PAQR3: variants seen among roughly 807,000 people sequenced by gnomAD.
PAQR3 encodes the protein Raf kinase trapping to Golgi.
Under a neutral mutation model 41.7 loss-of-function variants are expected in PAQR3, and 39 were observed. That is an observed-to-expected ratio of 0.93 (90% confidence interval 0.72 to 1.22). The LOEUF (loss-of-function observed/expected upper bound fraction) is 1.22. Ranked by LOEUF, PAQR3 falls within the 50% of genes most tolerant of loss-of-function variation. PAQR3 has a pLI of 0.00. For synonymous variants in PAQR3, 140 were observed against 140.6 expected (o/e 1.00, Z 0.03); for missense variants, 366 against 385.6 (o/e 0.95, Z 0.42).
downstream of PAQR3, chr4:78,911,212 G>A (rs776791274): frequency 8.1e-6 from 13 of 1,613,786 alleles, no homozygotes; most frequent in Admixed American, 1.7e-5. Context: ...TCCTGCTGCA[G>A]GACTGGAGCA....
chr4:78,922,563 T>G, intron 5 of PAQR3: 1 of 609,556 alleles, frequency 1.6e-6, no homozygotes, highest in Non-Finnish European at 2.6e-6. Flanking sequence ...TTACCTGGAT[T>G]TGCATCACTT....
Position 78,923,910 on chromosome 4 carries a change from G to A in PAQR3, c.740C>T (p.Ala247Val). 1 of 1,613,332 alleles carries A rather than the reference G, an allele frequency of 6.2e-7. No homozygotes were observed. Among genetic ancestry groups the A allele is most frequent in the Non-Finnish European group, 8.5e-7 (1 of 1,179,452 alleles). ...APRVIVMYMIALLAFLFYISK... is the reference protein window; with the variant it reads ...APRVIVMYMIVLLAFLFYISK... ...AATGTAGAATAGGAAAGCAAGAAGA[G>A]CAATCATATACATCACAATTACACG... The change falls in exon 5 of 6, where the codon GCT (alanine) becomes GTT (valine). Residue 247 changes from alanine to valine, a missense_variant. Ala to Val is a moderately conservative substitution (Grantham distance 64). Transcript: ENST00000512733.
chr4:78,926,303 G>A (rs1736214129), intron 4 of PAQR3, among the ~76,000 whole-genome samples: 1 of 151,878 alleles, frequency 6.6e-6, no homozygotes, highest in African/African-American at 2.4e-5. Context: ...TTTACAGAAA[G>A]ACAACTCAGA....
intron 1 of PAQR3, among the ~76,000 whole-genome samples, chr4:78,936,785 G>T (rs1348497390): frequency 1.3e-5 from 2 of 152,132 alleles, no homozygotes; most frequent in Non-Finnish European, 2.9e-5. Flanking sequence ...AGTATAACCT[G>T]ACTAACTGAA....
intron 11 of PAQR3, among the ~76,000 whole-genome samples, chr4:78,890,590 T>A (rs1290455786): frequency 6.6e-6 from 1 of 152,228 alleles, no homozygotes; most frequent in Non-Finnish European, 1.5e-5. Context: ...TTAATTACTG[T>A]GTTTATAATC....
rs1218588261 is a variant in PAQR3 at position 78,918,280 on chromosome 4, A to G, written c.*2259T>C. On this transcript the variant is annotated 3_prime_UTR_variant, in exon 6 of 6. Transcript: ENST00000512733. Reference sequence around the variant, plus strand: ...AAAAACAAAAATAACTTAAATATACATCATTACAAGGCTCAGATTTGTAGA... The same window carrying G: ...AAAAACAAAAATAACTTAAATATACGTCATTACAAGGCTCAGATTTGTAGA... The G allele has an allele frequency of 1.1e-6, 1 of 940,592 alleles. No individual in the cohort carries two copies. Among genetic ancestry groups the G allele is most frequent in the East Asian group, 1.2e-4 (1 of 8,618 alleles). The allele number at this position is 940,592 out of a possible 1,614,324, so 58.3% of individuals were successfully genotyped here. A position where few individuals can be genotyped will look rare whatever the true frequency, so the allele number is the denominator to read the frequency against.
chr4:78,926,697 T>A lies in PAQR3; in HGVS notation c.526A>T (p.Ile176Phe). ...GCCAGGATCATAGCAAGCACTGTGA[T>A]CAAGTACACCTGACGCCAGTACTAG... ...CNNYWRQVYL[I>F]TVLAMILAVF... is the part of the protein sequence containing the mutation. Residue 176 changes from isoleucine (I) to phenylalanine (F), a missense_variant, in exon 4 of 6, where the codon ATC becomes TTC. Coordinates refer to ENST00000512733, the MANE Select transcript of PAQR3 (RefSeq NM_001040202.2). The A allele has an allele frequency of 6.2e-7, 1 of 1,613,980 alleles. No homozygotes were observed. The highest frequency in any genetic ancestry group is 1.1e-5 in the South Asian group (1 of 91,076).
At chr4:78,928,250 T>A (rs1387411537) in intron 3 of PAQR3, among the ~76,000 whole-genome samples, 8 of 152,182 alleles carry the variant, frequency 5.3e-5, no homozygotes, top group African/African-American at 1.9e-4. Context: ...GTTATTAGTA[T>A]GTTCTAATTT....
At chr4:78,890,951 T>A (rs188122094) in intron 11 of PAQR3, among the ~76,000 whole-genome samples, 120 of 152,288 alleles carry the variant, frequency 7.9e-4, no homozygotes, top group Admixed American at 2.1e-3. Flanking sequence ...TCCCAGCATT[T>A]TGGGAGGCTG....
At chr4:78,888,879 C>T (rs939836406) in intron 11 of PAQR3, among the ~76,000 whole-genome samples, 1 of 152,138 alleles carries the variant, frequency 6.6e-6, no homozygotes, top group African/African-American at 2.4e-5. Context: ...TCATGACTAT[C>T]TATAAAAATT....
In PAQR3 at chr4:78,914,903, CTTG is replaced by C. The variant is rs888988883; in HGVS notation, c.*5633_*5635del. ...TTGTTTCTTAACAGCTTTAATAATG[CTTG>C]TTGATTTTGAATAATCCTTTAAAAA... On this transcript the variant is annotated 3_prime_UTR_variant, in exon 6 of 6. Transcript: ENST00000512733. The C allele has an allele frequency of 6.6e-6, 1 of 151,762 alleles. No homozygotes were observed. Among genetic ancestry groups the C allele is most frequent in the African/African-American group, 2.4e-5 (1 of 41,356 alleles). The allele number at this position is 151,762 out of a possible 1,614,324, so 9.4% of individuals were successfully genotyped here. A position where few individuals can be genotyped will look rare whatever the true frequency, so the allele number is the denominator to read the frequency against.
chr4:78,892,255 C>A (rs528578137), intron 11 of PAQR3, among the ~76,000 whole-genome samples: 4 of 152,138 alleles, frequency 2.6e-5, no homozygotes, highest in African/African-American at 9.6e-5. Flanking sequence ...TATTTAATAT[C>A]TTTAATAGTT....
At chr4:78,930,146 T>C (rs1560579781) in intron 3 of PAQR3, 24 bp downstream of exon 3, 1 of 1,581,598 alleles carries the variant, frequency 6.3e-7, no homozygotes, top group African/African-American at 1.4e-5. Context: ...AAAGGTCGAA[T>C]GTAAAATGTT....
chr4:78,912,130 C>T lies in PAQR3; in HGVS notation c.*8409G>A, dbSNP rs1224350122. ...AAATTTGGTAGCTCTTTATAGCATTCATTCTTAAAGATCAGTCAGAATAGG... is the reference window on the plus strand; with the variant it reads ...AAATTTGGTAGCTCTTTATAGCATTTATTCTTAAAGATCAGTCAGAATAGG... On this transcript the variant is annotated 3_prime_UTR_variant, in exon 6 of 6. Transcript: ENST00000512733. The T allele has an allele frequency of 9.1e-7, 1 of 1,094,568 alleles. No individual in the cohort carries two copies. The highest frequency in any genetic ancestry group is 1.3e-6 in the Non-Finnish European group (1 of 748,912). 67.8% of individuals were successfully genotyped at this position (1,094,568 alleles called of 1,614,324 possible). A position where few individuals can be genotyped will look rare whatever the true frequency, so the allele number is the denominator to read the frequency against.
At position 78,919,509 on chromosome 4, in the gene PAQR3, G is replaced by A. The variant is rs1735444748; in HGVS notation, c.*1030C>T. The A allele has an allele frequency of 2.0e-6, 2 of 985,006 alleles. No individual in the cohort carries two copies. The highest frequency in any genetic ancestry group is 2.4e-6 in the Non-Finnish European group (2 of 829,776). 61.0% of individuals were successfully genotyped at this position (985,006 alleles called of 1,614,324 possible). ...AGTTATCAATGCAATGCTAACACAT[G>A]CAGAAACCGAGGACCAGAGCACAGG... On this transcript the variant is annotated 3_prime_UTR_variant, in exon 6 of 6. Coordinates refer to ENST00000512733, the MANE Select transcript of PAQR3 (RefSeq NM_001040202.2).
At chr4:78,906,410 C>T (rs899091407) in intron 10 of PAQR3, among the ~76,000 whole-genome samples, 2 of 151,982 alleles carry the variant, frequency 1.3e-5, no homozygotes, top group Non-Finnish European at 2.9e-5. Flanking sequence ...AGAAAATTTC[C>T]CCAGTTGCCC....
Position 78,918,781 on chromosome 4 carries a change from G to T in PAQR3, c.*1758C>A, listed in dbSNP as rs905936109. ...TTTTCCCCTCATTTTTAACTTAAGT[G>T]TAACTACTCAGTGTCTTTTGTTTGG... On this transcript the variant is annotated 3_prime_UTR_variant, in exon 6 of 6. Transcript: ENST00000512733. The T allele has an allele frequency of 3.5e-5, 34 of 984,046 alleles. No individual in the cohort carries two copies. In the African/African-American group the frequency reaches 5.6e-4, roughly 16 times the overall value. 61.0% of individuals were successfully genotyped at this position (984,046 alleles called of 1,614,324 possible).
chr4:78,939,185 G>A lies in PAQR3; in HGVS notation c.40C>T (p.Leu14=). ...ACCGGCCAGTACTGGTAGCTGCCCA[G>A]CTCGATGTAATGCGCGCTCTTCAGC... ...KLLKSAHYIE[L]GSYQYWPVLV... is the part of the protein sequence containing the mutation. The change falls in exon 1 of 6, where the codon CTG becomes TTG. Residue 14 remains leucine (L), a synonymous_variant. Coordinates refer to ENST00000512733, the MANE Select transcript of PAQR3 (RefSeq NM_001040202.2). 6.2e-7 allele frequency: 1 copy of A among 1,609,976 alleles called. No homozygotes were observed. The highest frequency in any genetic ancestry group is 1.1e-5 in the South Asian group (1 of 90,484).
intron 5 of PAQR3, chr4:78,921,679 A>G: frequency 5.1e-6 from 5 of 985,058 alleles, no homozygotes; most frequent in Non-Finnish European, 6.0e-6. Context: ...TTGTGTATAC[A>G]TTTTTAAACA....
Sources: allele counts gnomAD v4.1 joint callset (sites outside exome capture counted in the v4.1 genomes callset), GRCh38; gene constraint gnomAD v4.1.1; transcripts MANE v1.5; gene names NCBI Gene and HGNC (gene_info 2026-07-23, HGNC 2026-07-21).